The following TAOK3 variants were observed in gnomAD, a reference collection of about 807,000 sequenced individuals.
TAOK3 encodes the protein TAO kinase 3.
A neutral mutation model predicts 120.4 loss-of-function variants in TAOK3; 40 were observed. The observed-to-expected ratio is 0.33, with a 90% confidence interval of 0.26 to 0.43. The LOEUF (loss-of-function observed/expected upper bound fraction) is 0.43. TAOK3 is among the 20% of genes least tolerant of loss of function. TAOK3 has a pLI of 1.00. For synonymous variants in TAOK3, 355 were observed against 387.5 expected, an observed-to-expected ratio of 0.92 and a Z score of 0.99; for missense variants, 821 against 1,112.1, an observed-to-expected ratio of 0.74 and a Z score of 3.72.
intron 1 of TAOK3, among the ~76,000 whole-genome samples, chr12:118,339,891 C>A (rs1244519660): frequency 1.3e-5 from 2 of 152,100 alleles, no homozygotes; most frequent in Non-Finnish European, 2.9e-5. Context: ...TTTGAAATTC[C>A]TCTTTTCCCA....
At chr12:118,151,816 A>C (rs901569715) in intron 20 of TAOK3, among the ~76,000 whole-genome samples, 8 of 152,102 alleles carry the variant, frequency 5.3e-5, no homozygotes, top group Admixed American at 5.2e-4. Flanking sequence ...ATTTTTTTTT[A>C]AACAGCCCTG....
chr12:118,200,497 C>G (rs928122410), intron 12 of TAOK3: 1 of 152,156 alleles, frequency 6.6e-6, no homozygotes, highest in Non-Finnish European at 1.5e-5. Context: ...TCCTGTCTCC[C>G]TCTTATCAAC....
chr12:118,163,882 T>C (rs1176286132), intron 17 of TAOK3, among the ~76,000 whole-genome samples: 3 of 152,008 alleles, frequency 2.0e-5, no homozygotes, highest in Non-Finnish European at 2.9e-5. Context: ...TGGCTAACTT[T>C]TGTATTTTTA....
Position 118,333,017 on chromosome 12 carries a change from T to C in TAOK3, c.-194+39631A>G, listed in dbSNP as rs192006290. ...ACACAGATAGAGCTAAAAGAGAAAA[T>C]AGACAAATCTATAGTTATGCTTGGG... is the stretch of plus-strand genomic sequence containing the variant. On this transcript the variant is annotated intron_variant, in intron 1 of 20. Transcript: ENST00000392533. Among the ~76,000 whole-genome samples the C allele has an allele frequency of 6.2e-5, 8 of 129,122 alleles. 1 individual carries two copies. Among genetic ancestry groups the C allele is most frequent in the Admixed American group, 4.6e-4 (6 of 12,980 alleles). The allele number at this position is 129,122 out of a possible 152,430, so 84.7% of individuals were successfully genotyped here.
At chr12:118,194,088 T>C (rs1053156243) in intron 13 of TAOK3, among the ~76,000 whole-genome samples, 1 of 152,198 alleles carries the variant, frequency 6.6e-6, no homozygotes, top group Non-Finnish European at 1.5e-5. Flanking sequence ...CCTGCCACTC[T>C]GTACTCTAAG....
chr12:118,273,995 A>C (rs1036853044), intron 1 of TAOK3, among the ~76,000 whole-genome samples: 1 of 152,182 alleles, frequency 6.6e-6, no homozygotes, highest in Non-Finnish European at 1.5e-5. Flanking sequence ...TACAGCAGTG[A>C]AAAATGAAGT....
chr12:118,323,508 C>T (rs2043807333), intron 1 of TAOK3, among the ~76,000 whole-genome samples: 1 of 152,032 alleles, frequency 6.6e-6, no homozygotes, highest in African/African-American at 2.4e-5. Context: ...AAGTATAACA[C>T]AAAATGCAGA....
chr12:118,206,932 C>G (rs568851107), intron 11 of TAOK3, among the ~76,000 whole-genome samples: 2 of 152,048 alleles, frequency 1.3e-5, no homozygotes, highest in Non-Finnish European at 2.9e-5. Flanking sequence ...TCTCCAAACC[C>G]CTACAACTGG....
At chr12:118,253,145 C>A (rs2040829444) in intron 3 of TAOK3, among the ~76,000 whole-genome samples, 1 of 152,174 alleles carries the variant, frequency 6.6e-6, no homozygotes, top group African/African-American at 2.4e-5. Flanking sequence ...TAGGGCTGAG[C>A]ATAGACGCAG....
chr12:118,244,949 G>C lies in TAOK3; in HGVS notation c.137C>G (p.Thr46Ser), dbSNP rs1336653356. The C allele has an allele frequency of 6.2e-7, 1 of 1,608,298 alleles. No homozygotes were observed. Among genetic ancestry groups the C allele is most frequent in the African/African-American group, 1.3e-5 (1 of 74,760 alleles). Residue 46 changes from threonine to serine, a missense_variant, in exon 4 of 21, where the codon ACC becomes AGC. Transcript: ENST00000392533. ...CTTCTTAATTGCCACCACCTCACTG[G>C]TGTGAGCATTTGTAGCCTGTGTTAA... is the stretch of plus-strand genomic sequence containing the variant. ...GAVYFATNAH[T>S]SEVVAIKKMS... is the part of the protein sequence containing the mutation.
rs72009582 is a variant in TAOK3, at chr12:118,339,275, C to CTTT, written c.-194+33370_-194+33372dup. 8.2e-3 allele frequency among the ~76,000 whole-genome samples: 711 copies of CTTT among 86,918 alleles called. 122 individuals are homozygous for CTTT. The highest frequency in any genetic ancestry group is 0.025 in the African/African-American group (494 of 20,138). 57.0% of individuals were successfully genotyped at this position (86,918 alleles called of 152,430 possible). A position where few individuals can be genotyped will look rare whatever the true frequency, so the allele number is the denominator to read the frequency against. On this transcript the variant is annotated intron_variant, in intron 1 of 20. Transcript: ENST00000392533. ...TGAAAATTCTCCGTTCTTCATCATA[C>CTTT]TTTTTTTTTTTTTTTTTTTTTTTTT...
chr12:118,203,070 G>T (rs922845491), intron 11 of TAOK3, among the ~76,000 whole-genome samples: 17 of 151,896 alleles, frequency 1.1e-4, no homozygotes, highest in Admixed American at 4.6e-4. Context: ...GTGAGCCACC[G>T]CACCGCACCT....
intron 1 of TAOK3, among the ~76,000 whole-genome samples, chr12:118,307,474 G>T (rs1335825000): frequency 6.6e-6 from 1 of 152,018 alleles, no homozygotes; most frequent in African/African-American, 2.4e-5. Flanking sequence ...TTCTTGACCT[G>T]CTGCCTTTGT....
At chr12:118,323,971 C>T (rs975357259) in intron 1 of TAOK3, among the ~76,000 whole-genome samples, 3 of 151,986 alleles carry the variant, frequency 2.0e-5, no homozygotes, top group African/African-American at 7.2e-5. Context: ...AAACAAAATG[C>T]TATACGAAGG....
intron 11 of TAOK3, among the ~76,000 whole-genome samples, chr12:118,202,804 G>C (rs1021846480): frequency 7.5e-6 from 1 of 133,442 alleles, no homozygotes; most frequent in Non-Finnish European, 1.5e-5. Flanking sequence ...TTTTGAGATG[G>C]AGTCTCGCTC....
chr12:118,342,463 A>G (rs1325929717), intron 1 of TAOK3, among the ~76,000 whole-genome samples: 1 of 152,248 alleles, frequency 6.6e-6, no homozygotes, highest in South Asian at 2.1e-4. Context: ...AATTTGAAAC[A>G]ATAAAGGTTA....
chr12:118,223,062 C>CTTTTTTTTTTT (rs75334511), intron 9 of TAOK3, among the ~76,000 whole-genome samples: 5 of 120,094 alleles, frequency 4.2e-5, no homozygotes, highest in African/African-American at 3.5e-5. Context: ...TTCTTTCTTT[C>CTTTTTTTTTTT]TTTTTTTTTT....
chr12:118,237,021 C>T (rs1310636316), intron 7 of TAOK3, among the ~76,000 whole-genome samples: 2 of 152,088 alleles, frequency 1.3e-5, no homozygotes, highest in African/African-American at 4.8e-5. Context: ...AGTATTAACA[C>T]CTTGGTACCA....
intron 11 of TAOK3, among the ~76,000 whole-genome samples, chr12:118,204,559 A>G (rs971537115): frequency 6.6e-6 from 1 of 152,218 alleles, no homozygotes; most frequent in South Asian, 2.1e-4. Context: ...AATAAAAAAC[A>G]TCATTCCCAG....
Sources: allele counts gnomAD v4.1 joint callset (sites outside exome capture counted in the v4.1 genomes callset), GRCh38; gene constraint gnomAD v4.1.1; transcripts MANE v1.5; gene names NCBI Gene and HGNC (gene_info 2026-07-23, HGNC 2026-07-21).